The following SLC24A2 variants were observed in gnomAD, a reference collection of about 807,000 sequenced individuals.
SLC24A2 encodes solute carrier family 24 member 2, also known as sodium/potassium/calcium exchanger 2.
A neutral mutation model predicts 62.0 loss-of-function variants in SLC24A2; 36 were observed. The ratio of observed to expected loss-of-function variants is 0.58; its 90% CI spans 0.44 to 0.77. The LOEUF is 0.77. Among genes scored for constraint, SLC24A2 ranks in the 30% least tolerant of loss-of-function variants. The pLI, the probability that SLC24A2 is intolerant of heterozygous loss-of-function variation, is 0.00. For synonymous variants in SLC24A2, 358 were observed against 294.0 expected (o/e 1.22, Z -2.23); for missense variants, 846 against 817.9 (o/e 1.03, Z -0.42).
chr9:20,023,971 T>C, the SLC24A2 span, among the ~76,000 whole-genome samples: 1 of 151,904 alleles, frequency 6.6e-6, no homozygotes, highest in Admixed American at 6.6e-5. Context: ...TAAGAAAGAG[T>C]GAAAAGAAGA....
the SLC24A2 span, among the ~76,000 whole-genome samples, chr9:19,835,235 T>G: frequency 1.3e-5 from 2 of 152,150 alleles, no homozygotes; most frequent in Admixed American, 6.5e-5. Context: ...ATACTAACCT[T>G]AAATGTAAAT....
chr9:20,221,421 A>T, the SLC24A2 span, among the ~76,000 whole-genome samples: 3,640 of 152,202 alleles, frequency 0.024, 156 homozygotes, highest in African/African-American at 0.082. Flanking sequence ...AAAGAAACTA[A>T]TTTAGGTGAA....
the SLC24A2 span, among the ~76,000 whole-genome samples, chr9:20,100,397 T>C: frequency 6.6e-6 from 1 of 152,140 alleles, no homozygotes; most frequent in Non-Finnish European, 1.5e-5. Context: ...TAAATATCTC[T>C]TTCTCAGGCA....
chr9:20,149,412 T>A, the SLC24A2 span, among the ~76,000 whole-genome samples: 1 of 152,166 alleles, frequency 6.6e-6, no homozygotes, highest in East Asian at 1.9e-4. Context: ...GATGATTTTT[T>A]TTCAGGCAGC....
the SLC24A2 span, among the ~76,000 whole-genome samples, chr9:19,909,961 C>A: frequency 6.6e-6 from 1 of 152,080 alleles, no homozygotes; most frequent in Non-Finnish European, 1.5e-5. Context: ...GTCAATGATC[C>A]TTCCACTGGC....
At chr9:20,120,398 C>T in the SLC24A2 span, among the ~76,000 whole-genome samples, 1 of 152,082 alleles carries the variant, frequency 6.6e-6, no homozygotes, top group Admixed American at 6.6e-5. Context: ...AGCTCATGTC[C>T]TTTGCAGCTG....
At chr9:20,035,804 A>G in the SLC24A2 span, among the ~76,000 whole-genome samples, 1 of 152,138 alleles carries the variant, frequency 6.6e-6, no homozygotes, top group Non-Finnish European at 1.5e-5. Context: ...GAACCTTTGA[A>G]AGGTTTAAAA....
chr9:20,097,720 A>ATTTTTTTTTTT, the SLC24A2 span, among the ~76,000 whole-genome samples: 46 of 69,114 alleles, frequency 6.7e-4, 3 homozygotes, highest in East Asian at 6.5e-3. Flanking sequence ...ATCTTAAATA[A>ATTTTTTTTTTT]TTTTTTTTTT....
chr9:20,233,438 A>G, the SLC24A2 span, among the ~76,000 whole-genome samples: 1 of 152,292 alleles, frequency 6.6e-6, no homozygotes, highest in South Asian at 2.1e-4. Context: ...TATTTAGGAT[A>G]GTTAGCTCTT....
the SLC24A2 span, among the ~76,000 whole-genome samples, chr9:19,889,570 C>T: frequency 6.6e-6 from 1 of 152,112 alleles, no homozygotes; most frequent in Non-Finnish European, 1.5e-5. Context: ...GGATGGGGTC[C>T]CCATTGCTGC....
chr9:19,933,073 G>A, the SLC24A2 span, among the ~76,000 whole-genome samples: 2 of 152,206 alleles, frequency 1.3e-5, no homozygotes, highest in Non-Finnish European at 2.9e-5. Context: ...GATGGACTTG[G>A]GGAAGAGGCT....
At chr9:19,964,450 G>A in the SLC24A2 span, among the ~76,000 whole-genome samples, 1 of 152,154 alleles carries the variant, frequency 6.6e-6, no homozygotes, top group Non-Finnish European at 1.5e-5. Flanking sequence ...TAAAATGCTA[G>A]GTGCATGCTA....
At chr9:19,767,237 G>T (rs1360614303) in intron 2 of SLC24A2, among the ~76,000 whole-genome samples, 2 of 152,198 alleles carry the variant, frequency 1.3e-5, no homozygotes, top group African/African-American at 4.8e-5. Context: ...GGTTCCATGG[G>T]TGTGGGATCT....
the SLC24A2 span, among the ~76,000 whole-genome samples, chr9:19,905,986 A>C: frequency 1.3e-5 from 2 of 152,204 alleles, no homozygotes; most frequent in African/African-American, 4.8e-5. Context: ...CCTAATAGAC[A>C]TCTACAGAAC....
chr9:20,263,750 C>A, the SLC24A2 span, among the ~76,000 whole-genome samples: 2 of 151,588 alleles, frequency 1.3e-5, no homozygotes, highest in Non-Finnish European at 2.9e-5. Flanking sequence ...TTTTGGAAGA[C>A]TTGCAATGTT....
At chr9:19,732,465 A>T (rs1821369130) in intron 2 of SLC24A2, among the ~76,000 whole-genome samples, 1 of 152,150 alleles carries the variant, frequency 6.6e-6, no homozygotes, top group African/African-American at 2.4e-5. Flanking sequence ...TTATTTTTTT[A>T]AATTAATTAA....
chr9:19,674,811 C>G (rs536402089), intron 2 of SLC24A2, among the ~76,000 whole-genome samples: 1 of 152,090 alleles, frequency 6.6e-6, no homozygotes, highest in Non-Finnish European at 1.5e-5. Context: ...TCTCTGCTGC[C>G]TCTTTGATTA....
intron 4 of SLC24A2, among the ~76,000 whole-genome samples, chr9:19,602,970 A>G (rs1169953012): frequency 6.6e-6 from 1 of 152,216 alleles, no homozygotes; most frequent in East Asian, 1.9e-4. Flanking sequence ...TGAATATTCA[A>G]CATTTTCTCT....
At chr9:19,764,447 G>C (rs4977323) in intron 2 of SLC24A2, among the ~76,000 whole-genome samples, 4 of 152,074 alleles carry the variant, frequency 2.6e-5, no homozygotes, top group Non-Finnish European at 5.9e-5. Context: ...TTAGTGCTGT[G>C]AATTTCCCTC....
Sources: allele counts gnomAD v4.1 joint callset (sites outside exome capture counted in the v4.1 genomes callset), GRCh38; gene constraint gnomAD v4.1.1; transcripts MANE v1.5; gene names NCBI Gene and HGNC (gene_info 2026-07-23, HGNC 2026-07-21).